Variants in PIBF1 observed in about 807,000 individuals in gnomAD.
PIBF1 encodes the protein progesterone-induced-blocking factor 1.
Under a neutral mutation model 112.5 loss-of-function variants are expected in PIBF1, and 90 were observed. The ratio of observed to expected loss-of-function variants is 0.80; its 90% CI spans 0.67 to 0.95. PIBF1 has a LOEUF of 0.95. Ranked by LOEUF, PIBF1 falls within the 40% of genes least tolerant of loss-of-function variation. The pLI is 0.00. For missense variants in PIBF1, 915 were observed against 852.3 expected, an observed-to-expected ratio of 1.07 and a Z score of -0.92; for synonymous variants, 301 against 288.6, an observed-to-expected ratio of 1.04 and a Z score of -0.44.
intron 14 of PIBF1, among the ~76,000 whole-genome samples, chr13:72,932,001 G>T (rs1233003324): frequency 2.1e-5 from 3 of 143,720 alleles, no homozygotes; most frequent in South Asian, 4.4e-4. Flanking sequence ...GAGTGCAGTG[G>T]CATGATCACA....
chr13:72,960,012 T>TAA (rs1432499635), intron 14 of PIBF1, among the ~76,000 whole-genome samples: 1 of 152,216 alleles, frequency 6.6e-6, no homozygotes, highest in Non-Finnish European at 1.5e-5. Flanking sequence ...TCTAATAAAT[T>TAA]ATGTTTATTT....
intron 17 of PIBF1, among the ~76,000 whole-genome samples, chr13:73,009,028 A>G (rs1235875275): frequency 1.3e-5 from 2 of 152,252 alleles, no homozygotes; most frequent in Non-Finnish European, 2.9e-5. Context: ...TGAAGTCATC[A>G]GGAACCTAGA....
At chr13:72,939,145 CA>C (rs1463974822) in intron 14 of PIBF1, among the ~76,000 whole-genome samples, 2 of 152,128 alleles carry the variant, frequency 1.3e-5, no homozygotes, top group Non-Finnish European at 2.9e-5. Context: ...TAGTGTCCTT[CA>C]AGGCACAAAA....
intron 12 of PIBF1, among the ~76,000 whole-genome samples, chr13:72,914,607 A>G (rs1798227783): frequency 6.6e-6 from 1 of 152,176 alleles, no homozygotes; most frequent in South Asian, 2.1e-4. Flanking sequence ...AGTTAGACAC[A>G]GGGTCTCACT....
intron 9 of PIBF1, among the ~76,000 whole-genome samples, chr13:72,836,783 T>C (rs1324189410): frequency 6.6e-6 from 1 of 152,102 alleles, no homozygotes; most frequent in Non-Finnish European, 1.5e-5. Context: ...TAGAAAGTCA[T>C]AAAATGACTC....
intron 16 of PIBF1, among the ~76,000 whole-genome samples, chr13:72,976,278 AAAAG>A (rs1389979751): frequency 6.6e-6 from 1 of 152,010 alleles, no homozygotes; most frequent in Non-Finnish European, 1.5e-5. Flanking sequence ...TATCTTTTAA[AAAAG>A]AAAGAAAGAG....
At chr13:72,794,187 A>G (rs1031000154) in intron 3 of PIBF1, among the ~76,000 whole-genome samples, 1 of 152,226 alleles carries the variant, frequency 6.6e-6, no homozygotes, top group Non-Finnish European at 1.5e-5. Context: ...TAGATCATGG[A>G]GGAAAAGAAC....
chr13:72,805,753 G>A (rs899740441), intron 5 of PIBF1, among the ~76,000 whole-genome samples: 1 of 152,184 alleles, frequency 6.6e-6, no homozygotes, highest in Non-Finnish European at 1.5e-5. Context: ...TGAAGTAGGT[G>A]TAATTGCTTG....
chr13:72,860,443 A>G (rs1255242117), intron 10 of PIBF1, among the ~76,000 whole-genome samples: 1 of 151,790 alleles, frequency 6.6e-6, no homozygotes, highest in East Asian at 1.9e-4. Flanking sequence ...TTTTGGGAAT[A>G]TCGTATATAT....
chr13:72,789,544 G>C (rs2034790072), intron 2 of PIBF1, among the ~76,000 whole-genome samples: 1 of 151,912 alleles, frequency 6.6e-6, no homozygotes, highest in Admixed American at 6.6e-5. Context: ...GAGATCTGTG[G>C]GTTCCTTATT....
chr13:72,792,262 C>G (rs2034970692), intron 2 of PIBF1, among the ~76,000 whole-genome samples, 185 bp from the exon 3 acceptor site: 1 of 152,112 alleles, frequency 6.6e-6, no homozygotes, highest in Non-Finnish European at 1.5e-5. Context: ...CGCCACTGCA[C>G]TCTAGCCTGG....
At chr13:72,851,262 C>T in intron 9 of PIBF1, among the ~76,000 whole-genome samples, 1 of 152,234 alleles carries the variant, frequency 6.6e-6, no homozygotes, top group Admixed American at 6.5e-5. Flanking sequence ...CAGGCATTCC[C>T]TCACTATCTT....
intron 2 of PIBF1, among the ~76,000 whole-genome samples, chr13:72,785,504 T>C (rs957671392): frequency 2.0e-5 from 3 of 152,200 alleles, no homozygotes; most frequent in African/African-American, 7.2e-5. Flanking sequence ...ATGAAAGTGA[T>C]AGAGCCAGAT....
chr13:72,786,848 T>C lies in PIBF1; in HGVS notation c.252+3127T>C, dbSNP rs191561208. Among the ~76,000 whole-genome samples the C allele has an allele frequency of 6.6e-5, 10 of 152,320 alleles. No homozygotes were observed. The East Asian group carries it at 1.4e-3, about 21-fold the overall frequency. On this transcript the variant is annotated intron_variant, in intron 2 of 17. Coordinates refer to ENST00000326291, the MANE Select transcript of PIBF1 (RefSeq NM_006346.4). ...GGAATAAGATGTTTGCTCTCAAATA[T>C]ATGAAGAAATACCTATTGTAGAGTT...
intron 12 of PIBF1, among the ~76,000 whole-genome samples, chr13:72,916,519 A>G (rs1397632279): frequency 4.6e-5 from 7 of 151,974 alleles, no homozygotes. Context: ...TAGTGTGACA[A>G]TAGCAGAATT....
At chr13:72,819,927 G>A (rs1485545457) in intron 5 of PIBF1, among the ~76,000 whole-genome samples, 2 of 151,578 alleles carry the variant, frequency 1.3e-5, no homozygotes, top group East Asian at 3.9e-4. Flanking sequence ...ATACTCCTTT[G>A]GGTTTTTTGG....
intron 11 of PIBF1, among the ~76,000 whole-genome samples, chr13:72,897,641 C>A (rs2138593510): frequency 6.6e-6 from 1 of 152,238 alleles, no homozygotes; most frequent in East Asian, 1.9e-4. Context: ...GCAATGAACA[C>A]CAAAAGCGAG....
chr13:72,873,772 A>AT (rs1287704598), intron 10 of PIBF1, among the ~76,000 whole-genome samples: 1 of 93,672 alleles, frequency 1.1e-5, no homozygotes, highest in African/African-American at 5.0e-5. Flanking sequence ...TTTACTCAAA[A>AT]TAAAAAAAAA....
intron 13 of PIBF1, among the ~76,000 whole-genome samples, chr13:72,930,939 G>A (rs1433683439): frequency 6.6e-6 from 1 of 152,192 alleles, no homozygotes; most frequent in Non-Finnish European, 1.5e-5. Flanking sequence ...GCAGTAATCA[G>A]TCTATCACGG....
Sources: gnomAD v4.1 joint callset for allele counts (sites outside exome capture counted in the v4.1 genomes callset) on GRCh38, gnomAD v4.1.1 for gene constraint, MANE v1.5 for transcripts, NCBI Gene and HGNC (gene_info 2026-07-23, HGNC 2026-07-21) for gene names.